The following NDUFAF6 variants were observed in gnomAD, a reference collection of about 807,000 sequenced individuals.
NDUFAF6 encodes the protein NADH:ubiquinone oxidoreductase complex assembly factor 6, also known as NADH dehydrogenase (ubiquinone) complex I, assembly factor 6.
A neutral mutation model predicts 40.8 loss-of-function variants in NDUFAF6; 45 were observed. That is an observed-to-expected ratio of 1.10 (90% CI 0.87 to 1.42). The LOEUF (loss-of-function observed/expected upper bound fraction) is 1.42. Among genes scored for constraint, NDUFAF6 ranks in the 40% most tolerant of loss-of-function variants. The pLI is 0.00. For synonymous variants in NDUFAF6, 185 were observed against 155.9 expected, an observed-to-expected ratio of 1.19 and a Z score of -1.39; for missense variants, 435 against 418.5, an observed-to-expected ratio of 1.04 and a Z score of -0.34.
intron 1 of NDUFAF6, among the ~76,000 whole-genome samples, chr8:94,931,369 T>C (rs1820374840): frequency 6.6e-6 from 1 of 152,178 alleles, no homozygotes. Flanking sequence ...TGAGATGGTA[T>C]TTACATGGCA....
In NDUFAF6 at chr8:95,047,133, G is replaced by A; in HGVS notation, c.714+6G>A. 6.2e-7 allele frequency: 1 copy of A among 1,614,068 alleles called. No homozygotes were observed. Among genetic ancestry groups the A allele is most frequent in the Admixed American group, 1.7e-5 (1 of 60,020 alleles). On this transcript the variant is annotated splice_donor_region_variant and intron_variant, in intron 6 of 8. Coordinates refer to ENST00000396124, the MANE Select transcript of NDUFAF6 (RefSeq NM_152416.4). ...CCATGGATATTTGTATGCTGGTAAG[G>A]CTGTAATTTGTACCTTTGAATAATT...
intron 9 of NDUFAF6, chr8:95,066,809 C>T (rs1432798563): frequency 6.6e-6 from 1 of 152,206 alleles, no homozygotes; most frequent in Non-Finnish European, 1.5e-5. Context: ...AGCTCTGAAT[C>T]ATCTTGACTA....
chr8:95,084,416 T>C (rs752905553), intron 2 of NDUFAF6, among the ~76,000 whole-genome samples: 46 of 152,346 alleles, frequency 3.0e-4, no homozygotes, highest in Non-Finnish European at 6.0e-4. Flanking sequence ...TGTTTAAATC[T>C]TCCCAACTGC....
At chr8:94,924,521 G>C (rs1819729501) in intron 1 of NDUFAF6, among the ~76,000 whole-genome samples, 1 of 152,192 alleles carries the variant, frequency 6.6e-6, no homozygotes, top group South Asian at 2.1e-4. Flanking sequence ...TTACAGCAAA[G>C]GAGCAAGATA....
At chr8:95,011,982 G>A (rs1364930710) in intron 2 of NDUFAF6, among the ~76,000 whole-genome samples, 4 of 152,092 alleles carry the variant, frequency 2.6e-5, no homozygotes, top group Non-Finnish European at 5.9e-5. Context: ...CCATAGGATA[G>A]GTTCCTAAAT....
At chr8:94,939,700 C>A in intron 1 of NDUFAF6, 2 of 1,071,222 alleles carry the variant, frequency 1.9e-6, no homozygotes, top group Non-Finnish European at 2.7e-6. Flanking sequence ...GACTGGTCAA[C>A]AAGTTATCTT....
At chr8:94,990,510 C>T (rs1826145183) in intron 2 of NDUFAF6, among the ~76,000 whole-genome samples, 1 of 152,136 alleles carries the variant, frequency 6.6e-6, no homozygotes, top group South Asian at 2.1e-4. Flanking sequence ...GCTCTCTTTT[C>T]ACTAAACCTT....
rs560897770 is a variant in NDUFAF6 at position 94,896,926 on chromosome 8, C to T, written c.-936+999C>T. ...CCCAAGGTGACAGCATCAGGAGAAGCCCATGCCTTGTCAGTCCCAAGAAAC... is the reference window on the plus strand; with the variant it reads ...CCCAAGGTGACAGCATCAGGAGAAGTCCATGCCTTGTCAGTCCCAAGAAAC... On this transcript the variant is annotated intron_variant, in intron 1 of 14. Transcript: ENST00000396113. Among the ~76,000 whole-genome samples the T allele has an allele frequency of 7.2e-5, 11 of 152,312 alleles. 1 individual carries two copies. The East Asian group carries it at 2.1e-3, about 29-fold the overall frequency.
intron 2 of NDUFAF6, among the ~76,000 whole-genome samples, chr8:94,999,426 T>C (rs1826613960): frequency 2.1e-5 from 3 of 141,484 alleles, no homozygotes; most frequent in African/African-American, 8.0e-5. Flanking sequence ...CCAGCCTCTT[T>C]TTTTCTTTTG....
chr8:95,116,510 A>C (rs1232685842), downstream of NDUFAF6: 1 of 151,996 alleles, frequency 6.6e-6, no homozygotes, highest in Admixed American at 6.6e-5. Context: ...ATGCCAACAC[A>C]ACCAGCTAAT....
chr8:94,967,928 G>A (rs1190345173), intron 1 of NDUFAF6, among the ~76,000 whole-genome samples: 2 of 131,096 alleles, frequency 1.5e-5, no homozygotes, highest in Admixed American at 8.1e-5. Flanking sequence ...GCGACAGAGC[G>A]AGACTCTGTC....
At chr8:95,010,807 G>A (rs1001276501) in intron 2 of NDUFAF6, among the ~76,000 whole-genome samples, 1 of 152,234 alleles carries the variant, frequency 6.6e-6, no homozygotes, top group Non-Finnish European at 1.5e-5. Context: ...GGCTCTCTGG[G>A]AAGCAGATGC....
At chr8:94,933,407 A>G (rs563392024) in intron 1 of NDUFAF6, among the ~76,000 whole-genome samples, 5 of 152,336 alleles carry the variant, frequency 3.3e-5, no homozygotes, top group Admixed American at 3.3e-4. Context: ...AAGAAGGAAG[A>G]AAGAAGAAGA....
chr8:95,001,309 CTGAATTTCTGCT>C (rs1826723243), intron 2 of NDUFAF6, among the ~76,000 whole-genome samples: 1 of 152,032 alleles, frequency 6.6e-6, no homozygotes, highest in South Asian at 2.1e-4. Context: ...AATAGAAGGA[CTGAATTTCTGCT>C]TGAATTTCTG....
chr8:94,908,379 G>A (rs1280726719), intron 1 of NDUFAF6, among the ~76,000 whole-genome samples: 1 of 152,150 alleles, frequency 6.6e-6, no homozygotes, highest in African/African-American at 2.4e-5. Context: ...ACATTTATTT[G>A]TTTATTTTTA....
intron 1 of NDUFAF6, among the ~76,000 whole-genome samples, chr8:94,920,996 G>T (rs1457101080): frequency 6.6e-6 from 1 of 152,034 alleles, no homozygotes; most frequent in Non-Finnish European, 1.5e-5. Context: ...CTAGCCTTAA[G>T]AAAATTTAAG....
intron 2 of NDUFAF6, among the ~76,000 whole-genome samples, chr8:95,102,067 G>A (rs768416411): frequency 7.9e-5 from 12 of 151,892 alleles, no homozygotes; most frequent in Admixed American, 2.0e-4. Context: ...GCATGATCTC[G>A]GCTCACTGCA....
At chr8:94,909,360 AAAAAAAAAAAAAAAAAAAAAAAC>A (rs1818596361) in intron 1 of NDUFAF6, among the ~76,000 whole-genome samples, 1 of 20,080 alleles carries the variant, frequency 5.0e-5, no homozygotes, top group African/African-American at 1.1e-4. Context: ...AAAAAAAAAA[AAAAAAAAAAAAAAAAAAAAAAAC>A]ACTTCGGGAG....
At chr8:95,080,050 A>AT (rs71273455), downstream of NDUFAF6, among the ~76,000 whole-genome samples, 1 of 68,102 alleles carries the variant, frequency 1.5e-5, no homozygotes, top group African/African-American at 6.6e-5. Context: ...TTTTGTAGTG[A>AT]TTTTTTGTAG....
Sources: allele counts gnomAD v4.1 joint callset (sites outside exome capture counted in the v4.1 genomes callset), GRCh38; gene constraint gnomAD v4.1.1; transcripts MANE v1.5; gene names NCBI Gene and HGNC (gene_info 2026-07-23, HGNC 2026-07-21).